Variants in DOCK8 observed in about 807,000 individuals in gnomAD.
DOCK8 encodes dedicator of cytokinesis protein 8.
DOCK8 carries 141 observed loss-of-function variants against 245.6 expected under a neutral mutation model. That is an observed-to-expected ratio of 0.57 (90% CI 0.50 to 0.66). DOCK8 has a LOEUF of 0.66. Among genes scored for constraint, DOCK8 ranks in the 30% least tolerant of loss-of-function variants. The probability of loss-of-function intolerance (pLI) is 0.00; values close to 1 mark genes in which losing one functional copy is unlikely to be tolerated. For synonymous variants in DOCK8, 1,168 were observed against 970.2 expected (o/e 1.20, Z -3.79); for missense variants, 2,965 against 2,603.4 (o/e 1.14, Z -3.02).
chr9:215,431 G>C, intron 1 of DOCK8: 1 of 1,508,190 alleles, frequency 6.6e-7, no homozygotes, highest in Non-Finnish European at 8.8e-7. Flanking sequence ...GTCTGAGCGC[G>C]GGGGGAAGAA....
intron 8 of DOCK8, among the ~76,000 whole-genome samples, chr9:327,079 C>T (rs2050795892): frequency 6.6e-6 from 1 of 152,236 alleles, no homozygotes; most frequent in Admixed American, 6.5e-5. Context: ...TGGCATTCCT[C>T]TACCTTCTTT....
intron 7 of DOCK8, among the ~76,000 whole-genome samples, chr9:319,764 T>A (rs972817841): frequency 2.0e-5 from 3 of 151,866 alleles, no homozygotes; most frequent in African/African-American, 7.3e-5. Context: ...GTCCTGCCAA[T>A]TCTGCAAATG....
chr9:253,282 G>A (rs2479325), intron 1 of DOCK8, among the ~76,000 whole-genome samples: 9 of 151,924 alleles, frequency 5.9e-5, no homozygotes, highest in Admixed American at 1.3e-4. Context: ...TCTTTCAATC[G>A]AACTAAACAC....
chr9:245,957 C>T (rs1157941860), intron 1 of DOCK8, among the ~76,000 whole-genome samples: 1 of 152,028 alleles, frequency 6.6e-6, no homozygotes, highest in African/African-American at 2.4e-5. Flanking sequence ...TGGTGGCTCA[C>T]ACCTGTAACC....
At chr9:395,747 GCCC>G (rs1030803381) in intron 24 of DOCK8, among the ~76,000 whole-genome samples, 1 of 151,990 alleles carries the variant, frequency 6.6e-6, no homozygotes, top group African/African-American at 2.4e-5. Context: ...GAATCTCCTG[GCCC>G]CAAGAAGATG....
intron 18 of DOCK8, among the ~76,000 whole-genome samples, chr9:375,391 T>G (rs2053474354): frequency 6.6e-6 from 1 of 152,190 alleles, no homozygotes; most frequent in Non-Finnish European, 1.5e-5. Flanking sequence ...CTTTGAGTAA[T>G]TAAAGCAGGA....
chr9:377,607 C>T (rs1456225690), intron 20 of DOCK8, among the ~76,000 whole-genome samples: 1 of 152,080 alleles, frequency 6.6e-6, no homozygotes, highest in African/African-American at 2.4e-5. Context: ...CATTGAAATG[C>T]AATGCAATCA....
intron 36 of DOCK8, among the ~76,000 whole-genome samples, chr9:431,854 A>T (rs1186748921): frequency 6.6e-6 from 1 of 152,112 alleles, no homozygotes; most frequent in Admixed American, 6.6e-5. Flanking sequence ...GCACAAAAGG[A>T]TATACTGTAT....
At chr9:224,486 T>C (rs1308952172) in intron 1 of DOCK8, among the ~76,000 whole-genome samples, 3 of 152,166 alleles carry the variant, frequency 2.0e-5, no homozygotes, top group African/African-American at 4.8e-5. Flanking sequence ...TTCGTATGGC[T>C]GAATGGTCAA....
intron 22 of DOCK8, among the ~76,000 whole-genome samples, chr9:383,787 G>T (rs1316851689): frequency 1.3e-5 from 2 of 151,176 alleles, no homozygotes; most frequent in African/African-American, 4.9e-5. Flanking sequence ...GAGGGTTGAT[G>T]GCTTGCCCTA....
chr9:342,297 CTTT>C (rs34071975), intron 14 of DOCK8, among the ~76,000 whole-genome samples: 26 of 124,416 alleles, frequency 2.1e-4, no homozygotes, highest in African/African-American at 6.0e-4. Flanking sequence ...TTTCTTTTTT[CTTT>C]TTTTTTTTTT....
intron 14 of DOCK8, among the ~76,000 whole-genome samples, chr9:341,561 C>T (rs1315106025): frequency 6.6e-6 from 1 of 152,228 alleles, no homozygotes; most frequent in Non-Finnish European, 1.5e-5. Context: ...ACTTTTACCT[C>T]ACCTCCTAGA....
At chr9:356,608 A>C (rs1376537845) in intron 14 of DOCK8, among the ~76,000 whole-genome samples, 5 of 151,786 alleles carry the variant, frequency 3.3e-5, no homozygotes, top group African/African-American at 1.2e-4. Flanking sequence ...TTAAGCCTCT[A>C]AGCATCCAGA....
chr9:416,221 G>C (rs1163882866), intron 29 of DOCK8, among the ~76,000 whole-genome samples: 1 of 152,182 alleles, frequency 6.6e-6, no homozygotes, highest in Non-Finnish European at 1.5e-5. Context: ...GCTTCCTCTA[G>C]CAGCGCCTGA....
chr9:251,713 T>TA lies in DOCK8; in HGVS notation c.54-19912dup, dbSNP rs199556807. On this transcript the variant is annotated intron_variant, in intron 1 of 47. Transcript: ENST00000432829. The stretch of plus-strand genomic sequence containing the variant: ...TTCCAAATTTGTAAAGTGAAGATAA[T>TA]AATACCTCCCTCATAGAGTTGTTGT... Among the ~76,000 whole-genome samples the TA allele has an allele frequency of 6.6e-3, 1,008 of 152,270 alleles. 9 individuals carry two copies. The highest frequency in any genetic ancestry group is 0.022 in the African/African-American group (926 of 41,558).
intron 3 of DOCK8, among the ~76,000 whole-genome samples, chr9:289,200 T>G (rs1471960762): frequency 1.3e-5 from 2 of 152,250 alleles, no homozygotes; most frequent in Non-Finnish European, 2.9e-5. Flanking sequence ...TTCCTTGTTT[T>G]GTATTCGAAT....
chr9:461,915 A>G (rs926503597), intron 46 of DOCK8, among the ~76,000 whole-genome samples: 3 of 131,398 alleles, frequency 2.3e-5, no homozygotes, highest in Non-Finnish European at 5.0e-5. Flanking sequence ...CTCTTTTTTC[A>G]TTTTCCCTGT....
At chr9:326,646 C>T (rs1049454589) in intron 8 of DOCK8, among the ~76,000 whole-genome samples, 1 of 152,182 alleles carries the variant, frequency 6.6e-6, no homozygotes, top group Non-Finnish European at 1.5e-5. Context: ...TTTAACCATC[C>T]AGGGTGGGAG....
At chr9:211,762 C>G (rs520015), upstream of DOCK8, among the ~76,000 whole-genome samples, 82,100 of 151,732 alleles carry the variant, frequency 0.54, 22,588 homozygotes, top group East Asian at 0.7. Context: ...ATCCAAAGAC[C>G]GTGTGACTTA....
Sources: gnomAD v4.1 joint callset for allele counts (sites outside exome capture counted in the v4.1 genomes callset) on GRCh38, gnomAD v4.1.1 for gene constraint, MANE v1.5 for transcripts, NCBI Gene and HGNC (gene_info 2026-07-23, HGNC 2026-07-21) for gene names.